Variants in BBS5 observed in about 807,000 individuals in gnomAD.
The protein encoded by BBS5 is Bardet-Biedl syndrome 5, also known as BBSome complex member BBS5.
A neutral mutation model predicts 50.2 loss-of-function variants in BBS5; 39 were observed. That is an observed-to-expected ratio of 0.78 (90% CI 0.60 to 1.01). The LOEUF is 1.01. Among genes scored for constraint, BBS5 ranks in the 50% least tolerant of loss-of-function variants. The pLI is 0.00. For synonymous variants in BBS5, 134 were observed against 133.1 expected (o/e 1.01, Z -0.05); for missense variants, 356 against 401.5 (o/e 0.89, Z 0.97).
At chr2:169,481,423 G>A (rs1247883553) in intron 1 of BBS5, among the ~76,000 whole-genome samples, 3 of 152,216 alleles carry the variant, frequency 2.0e-5, no homozygotes, top group African/African-American at 7.2e-5. Flanking sequence ...GCTGCAGAGA[G>A]AGGTTGGAAG....
intron 2 of BBS5, among the ~76,000 whole-genome samples, chr2:169,484,708 A>G (rs1352774529): frequency 6.6e-6 from 1 of 152,234 alleles, no homozygotes. Flanking sequence ...CCAGTTATAG[A>G]GATAAAATGC....
At chr2:169,486,946 T>C (rs1401276653) in intron 2 of BBS5, 123 bp from the exon 3 acceptor site, 17 of 754,386 alleles carry the variant, frequency 2.3e-5, no homozygotes, top group Non-Finnish European at 3.6e-5. Context: ...TTTCAGTTAA[T>C]ATATGAAAAA....
At chr2:169,497,754 G>T (rs1043176883) in intron 8 of BBS5, 65 bp downstream of exon 8, 2 of 1,121,136 alleles carry the variant, frequency 1.8e-6, no homozygotes, top group Non-Finnish European at 2.7e-6. Context: ...TAGATTTTTG[G>T]TTTTATTTAT....
At chr2:169,484,213 C>A (rs368264228) in intron 2 of BBS5, among the ~76,000 whole-genome samples, 8 of 152,200 alleles carry the variant, frequency 5.3e-5, no homozygotes, top group African/African-American at 1.9e-4. Flanking sequence ...AAGACCCTGT[C>A]TCTACAGAAA....
intron 8 of BBS5, 101 bp from the exon 9 acceptor site, chr2:169,499,385 A>T (rs1415523893): frequency 4.7e-5 from 58 of 1,229,186 alleles, no homozygotes; most frequent in Non-Finnish European, 6.4e-5. Context: ...CTTACGTATT[A>T]TGCTCTAAAA....
At position 169,497,682 on chromosome 2, in the gene BBS5, C is replaced by G. The variant is rs776533440; in HGVS notation, c.674C>G (p.Ser225Cys). The change falls in exon 8 of 12, where the codon TCT becomes TGT. Residue 225 changes from serine to cysteine, a missense_variant. Physicochemically the swap from Ser to Cys is moderately radical, Grantham distance 112. Coordinates refer to ENST00000295240, the MANE Select transcript of BBS5 (RefSeq NM_152384.3). ...GGTTTAGCTCTTGTCATAGAAAGCT[C>G]TCAGCAGGTAAGATCTTGTATATTT... ...KFGLALVIESSQQSGGYVLGF... is the reference protein window; with the variant it reads ...KFGLALVIESCQQSGGYVLGF... 9 of 1,585,652 alleles carry G rather than the reference C, an allele frequency of 5.7e-6. No individual in the cohort carries two copies. The highest frequency in any genetic ancestry group is 7.8e-6 in the Non-Finnish European group (9 of 1,154,744).
intron 1 of BBS5, among the ~76,000 whole-genome samples, chr2:169,480,370 C>T (rs1438474006): frequency 6.6e-6 from 1 of 152,126 alleles, no homozygotes; most frequent in Non-Finnish European, 1.5e-5. Context: ...GCTAAGATTC[C>T]TGGATTAATG....
Position 169,492,918 on chromosome 2 carries a change from G to A in BBS5, c.431G>A (p.Ser144Asn), listed in dbSNP as rs1379114117. Residue 144 changes from serine to asparagine, a missense_variant, in exon 6 of 12, where the codon AGT (serine) becomes AAT (asparagine). By Grantham distance (46) the Ser-to-Asn change is conservative. Transcript: ENST00000295240. Reference sequence around the variant, plus strand: ...ATGTATCGTGATTTTAAATTAAGAAGTGCACTAATTCAGAACAAGCAACTA... The same window carrying A: ...ATGTATCGTGATTTTAAATTAAGAAATGCACTAATTCAGAACAAGCAACTA... Reference protein sequence around the residue: ...SKMYRDFKLRSALIQNKQLRL... With the variant: ...SKMYRDFKLRNALIQNKQLRL... 3.1e-6 allele frequency: 5 copies of A among 1,612,450 alleles called. No homozygotes were observed. In the East Asian group the frequency reaches 8.9e-5, roughly 29 times the overall value.
At chr2:169,481,542 G>A (rs1559120646) in intron 1 of BBS5, among the ~76,000 whole-genome samples, 1 of 152,004 alleles carries the variant, frequency 6.6e-6, no homozygotes, top group Non-Finnish European at 1.5e-5. Context: ...GAAATGATAT[G>A]GTCATATCTG....
At chr2:169,481,854 T>C (rs1353795842) in intron 1 of BBS5, among the ~76,000 whole-genome samples, 1 of 152,228 alleles carries the variant, frequency 6.6e-6, no homozygotes, top group East Asian at 1.9e-4. Context: ...TTCTGAGTTC[T>C]CCATAGTCTG....
rs1054138918 is a variant in BBS5, at chr2:169,487,068, G to A, written c.143-1G>A. On this transcript the variant is annotated splice_acceptor_variant, in intron 2 of 11. Coordinates refer to ENST00000295240, the MANE Select transcript of BBS5 (RefSeq NM_152384.3). LOFTEE classifies it high-confidence loss of function. ...CCTATTTTTTGTCTGTGTGCTTTTA[G>A]GTAGACTCTTGGTAACAAATTTAAG... The A allele has an allele frequency of 6.2e-7, 1 of 1,608,594 alleles. No individual in the cohort carries two copies.
intron 2 of BBS5, among the ~76,000 whole-genome samples, chr2:169,485,391 T>C (rs1429888656): frequency 6.6e-6 from 1 of 152,042 alleles, no homozygotes; most frequent in Non-Finnish European, 1.5e-5. Flanking sequence ...TATTTTCAAA[T>C]GAGGAAACTG....
intron 9 of BBS5, among the ~76,000 whole-genome samples, chr2:169,501,403 C>G (rs1400855077): frequency 6.6e-6 from 1 of 152,068 alleles, no homozygotes; most frequent in Non-Finnish European, 1.5e-5. Flanking sequence ...ATTTGTGATC[C>G]TAGGCAAATC....
At chr2:169,504,224 A>G in intron 10 of BBS5, 79 bp from the exon 11 acceptor site, 1 of 1,214,076 alleles carries the variant, frequency 8.2e-7, no homozygotes, top group East Asian at 2.3e-5. Context: ...ATCATTCTGC[A>G]TATTAAGTTC....
chr2:169,487,818 A>C lies in BBS5; in HGVS notation c.221A>C (p.Asn74Thr), dbSNP rs760357785. 1.2e-6 allele frequency: 2 copies of C among 1,608,068 alleles called. No individual in the cohort carries two copies. The highest frequency in any genetic ancestry group is 1.7e-6 in the Non-Finnish European group (2 of 1,175,360). ...TTTTGGATTTTAGCTGTCGGTTACA[A>C]TTGCATATTGAATATTACAACAAGG... ...LSRVNVSVGY[N>T]CILNITTRTA... Residue 74 changes from asparagine to threonine, a missense_variant, in exon 4 of 12, where the codon AAT becomes ACT. Coordinates refer to ENST00000295240, the MANE Select transcript of BBS5 (RefSeq NM_152384.3).
At chr2:169,500,358 G>GC (rs1411099914) in intron 9 of BBS5, among the ~76,000 whole-genome samples, 1 of 152,104 alleles carries the variant, frequency 6.6e-6, no homozygotes, top group Non-Finnish European at 1.5e-5. Context: ...TATTGTTGGT[G>GC]CCCCCCACTG....
At chr2:169,484,264 C>T (rs1220702663) in intron 2 of BBS5, among the ~76,000 whole-genome samples, 3 of 151,990 alleles carry the variant, frequency 2.0e-5, no homozygotes, top group South Asian at 4.1e-4. Flanking sequence ...GCGCCTGTGG[C>T]CCCAGCTACT....
intron 2 of BBS5, among the ~76,000 whole-genome samples, chr2:169,484,033 T>C (rs1225814794): frequency 3.3e-5 from 5 of 152,092 alleles, no homozygotes; most frequent in Non-Finnish European, 5.9e-5. Context: ...TACTTTAGAG[T>C]AGGAAGGGCA....
chr2:169,486,151 C>T (rs1211713383), intron 2 of BBS5, among the ~76,000 whole-genome samples: 1 of 152,192 alleles, frequency 6.6e-6, no homozygotes, highest in Non-Finnish European at 1.5e-5. Context: ...GTTTGCTATC[C>T]ACTTTTCACT....
Sources: allele counts gnomAD v4.1 joint callset (sites outside exome capture counted in the v4.1 genomes callset), GRCh38; gene constraint gnomAD v4.1.1; transcripts MANE v1.5; gene names NCBI Gene and HGNC (gene_info 2026-07-23, HGNC 2026-07-21).